KLHL29: variants seen among roughly 807,000 people sequenced by gnomAD.
KLHL29 encodes kelch like family member 29.
Under a neutral mutation model 80.4 loss-of-function variants are expected in KLHL29, and 21 were observed. The ratio of observed to expected loss-of-function variants is 0.26; its 90% CI spans 0.19 to 0.38. KLHL29 has a LOEUF of 0.38. Ranked by LOEUF, KLHL29 falls within the 10% of genes least tolerant of loss-of-function variation. The pLI is 1.00. For missense variants in KLHL29, 867 were observed against 1,223.9 expected (o/e 0.71, Z 4.35); for synonymous variants, 511 against 526.8 (o/e 0.97, Z 0.41).
At chr2:23,635,505 G>A (rs748337457) in intron 3 of KLHL29, among the ~76,000 whole-genome samples, 7 of 152,198 alleles carry the variant, frequency 4.6e-5, no homozygotes, top group African/African-American at 7.2e-5. Context: ...GCTGCCTCAC[G>A]GAGAGCTTCA....
At chr2:23,534,533 CTT>C (rs5829903) in intron 2 of KLHL29, among the ~76,000 whole-genome samples, 40,013 of 151,706 alleles carry the variant, frequency 0.26, 6,188 homozygotes, top group East Asian at 0.57. Context: ...GCCAGAATGA[CTT>C]ATTTCTTTGC....
intron 2 of KLHL29, among the ~76,000 whole-genome samples, chr2:23,527,789 G>T (rs1341467356): frequency 6.6e-6 from 1 of 152,182 alleles, no homozygotes; most frequent in Non-Finnish European, 1.5e-5. Context: ...GGAGCAACTG[G>T]TAGTCCCCAG....
In KLHL29 at chr2:23,680,965, A is replaced by C. The variant is rs1031145887; in HGVS notation, c.941-3434A>C. On this transcript the variant is annotated intron_variant, in intron 5 of 13. Coordinates refer to ENST00000486442, the MANE Select transcript of KLHL29 (RefSeq NM_052920.2). The surrounding 1 kb of genome is among the most constrained non-coding windows in gnomAD (Gnocchi z 4.1). ...GGCCATGTTGTTGGAAGATCTCCCC[A>C]GACCCCGCAGCAATCCCACACACCT... Among the ~76,000 whole-genome samples the C allele has an allele frequency of 3.7e-4, 56 of 152,212 alleles. No homozygotes were observed. The highest frequency in any genetic ancestry group is 1.3e-3 in the African/African-American group (55 of 41,460).
intron 1 of KLHL29, among the ~76,000 whole-genome samples, chr2:23,391,884 T>C (rs1030347257): frequency 2.6e-5 from 4 of 152,240 alleles, no homozygotes; most frequent in Non-Finnish European, 5.9e-5. Flanking sequence ...ATGCATTTCC[T>C]CCCGAGTGTC....
intron 1 of KLHL29, among the ~76,000 whole-genome samples, chr2:23,406,015 A>C (rs1284005531): frequency 6.6e-6 from 1 of 152,204 alleles, no homozygotes; most frequent in Non-Finnish European, 1.5e-5. Flanking sequence ...GTATAACAAC[A>C]AAGTAATAAT....
At chr2:23,468,856 C>T (rs1664420481) in intron 1 of KLHL29, among the ~76,000 whole-genome samples, 1 of 152,194 alleles carries the variant, frequency 6.6e-6, no homozygotes, top group African/African-American at 2.4e-5. Context: ...ACACAGAAGC[C>T]CTGCTCTCTC....
intron 2 of KLHL29, among the ~76,000 whole-genome samples, chr2:23,531,826 C>T (rs1254349944): frequency 6.6e-6 from 1 of 152,212 alleles, no homozygotes; most frequent in Non-Finnish European, 1.5e-5. Context: ...CAGAAATGTG[C>T]TCCCATCTGT....
Position 23,647,457 on chromosome 2 carries a change from T to C in KLHL29, c.940+4607T>C, listed in dbSNP as rs1669970804. Among the ~76,000 whole-genome samples the C allele has an allele frequency of 6.6e-6, 1 of 152,174 alleles. No individual in the cohort carries two copies. The highest frequency in any genetic ancestry group is 1.5e-5 in the Non-Finnish European group (1 of 68,016). On this transcript the variant is annotated intron_variant, in intron 5 of 13. Coordinates refer to ENST00000486442, the MANE Select transcript of KLHL29 (RefSeq NM_052920.2). The surrounding 1 kb of genome is among the most constrained non-coding windows in gnomAD (Gnocchi z 4.9). ...GGGTTCAGACTCAAGGCCTGCGTTG[T>C]CTGTGGCCAGCCCTTTGTCCACCTC...
At chr2:23,412,640 A>C (rs898033750) in intron 1 of KLHL29, among the ~76,000 whole-genome samples, 1 of 152,106 alleles carries the variant, frequency 6.6e-6, no homozygotes. Flanking sequence ...GGGAGTGGAG[A>C]TTACTGTGGA....
intron 1 of KLHL29, among the ~76,000 whole-genome samples, chr2:23,474,248 A>T (rs1048518306): frequency 1.3e-5 from 2 of 152,292 alleles, no homozygotes; most frequent in Non-Finnish European, 1.5e-5. Context: ...ACATAGAGGG[A>T]ATCAATATTT....
intron 2 of KLHL29, among the ~76,000 whole-genome samples, chr2:23,533,957 G>T (rs934371): frequency 3.3e-5 from 5 of 149,920 alleles, no homozygotes; most frequent in Non-Finnish European, 4.4e-5. Flanking sequence ...TTAAAGAAAC[G>T]TGTGCGCTAT....
chr2:23,420,809 GGT>G (rs1030724872), intron 1 of KLHL29, among the ~76,000 whole-genome samples: 35 of 152,220 alleles, frequency 2.3e-4, no homozygotes, highest in African/African-American at 8.4e-4. Context: ...GGGGCCTCTG[GGT>G]GGGGCAGTCA....
intron 1 of KLHL29, among the ~76,000 whole-genome samples, chr2:23,398,831 A>T (rs906006160): frequency 6.6e-6 from 1 of 152,120 alleles, no homozygotes; most frequent in Admixed American, 6.6e-5. Context: ...CACATACCAT[A>T]ATGACACTGG....
At chr2:23,426,142 G>GT (rs1278706421) in intron 1 of KLHL29, among the ~76,000 whole-genome samples, 2 of 152,326 alleles carry the variant, frequency 1.3e-5, no homozygotes, top group African/African-American at 4.8e-5. Context: ...CTGGAAGGCT[G>GT]TGGGAAGCGG....
intron 2 of KLHL29, among the ~76,000 whole-genome samples, chr2:23,500,628 TA>T (rs1309777824): frequency 6.6e-6 from 1 of 152,234 alleles, no homozygotes; most frequent in Non-Finnish European, 1.5e-5. Flanking sequence ...GAAGCCACTT[TA>T]AACACTGTTT....
chr2:23,403,849 T>G (rs750305097), intron 1 of KLHL29, among the ~76,000 whole-genome samples: 1 of 151,968 alleles, frequency 6.6e-6, no homozygotes, highest in Non-Finnish European at 1.5e-5. Context: ...TGCGTGTGTG[T>G]GCATATGTGT....
intron 1 of KLHL29, among the ~76,000 whole-genome samples, chr2:23,434,556 A>T (rs1301122940): frequency 6.6e-6 from 1 of 152,150 alleles, no homozygotes; most frequent in Non-Finnish European, 1.5e-5. Context: ...CCTGATTTCA[A>T]ACTTGGGCCT....
intron 11 of KLHL29, among the ~76,000 whole-genome samples, chr2:23,701,403 T>C (rs1405637843): frequency 6.6e-6 from 1 of 152,188 alleles, no homozygotes; most frequent in Non-Finnish European, 1.5e-5. Context: ...TTTGATCACA[T>C]TATTTTCCTG....
In KLHL29 at chr2:23,696,734, G is replaced by A; in HGVS notation, c.2105+221G>A. On this transcript the variant is annotated intron_variant, in intron 11 of 13. Transcript: ENST00000486442. This position sits in a 1 kb window ranked among gnomAD's most constrained non-coding sequence, Gnocchi z 5.5. ...CATCTGTGTCACCTTTGCAGTCGCT[G>A]AGATGGGAGATGGGGCGCTTCTGTC... 1 of 482,748 alleles carries A rather than the reference G, an allele frequency of 2.1e-6. No homozygotes were observed. The allele number at this position is 482,748 out of a possible 1,614,324, so 29.9% of individuals were successfully genotyped here. A position where few individuals can be genotyped will look rare whatever the true frequency, so the allele number is the denominator to read the frequency against.
Sources: allele counts gnomAD v4.1 joint callset (sites outside exome capture counted in the v4.1 genomes callset), GRCh38; gene constraint gnomAD v4.1.1; non-coding constraint Gnocchi (gnomAD v3.1); transcripts MANE v1.5; gene names NCBI Gene and HGNC (gene_info 2026-07-23, HGNC 2026-07-21).